LHX8: variants seen among roughly 807,000 people sequenced by gnomAD.
LHX8 encodes LIM homeobox 8.
In LHX8, 12 loss-of-function variants were observed where a neutral mutation model predicts 40.3. The ratio of observed to expected loss-of-function variants is 0.30; its 90% CI spans 0.19 to 0.48. LHX8 has a LOEUF of 0.48. LHX8 is among the 20% of genes least tolerant of loss of function. LHX8 has a pLI of 0.99. For missense variants in LHX8, 344 were observed against 433.7 expected (o/e 0.79, Z 1.84); for synonymous variants, 179 against 162.0 (o/e 1.10, Z -0.80).
chr1:75,153,460 T>C (rs1035596351), intron 7 of LHX8, among the ~76,000 whole-genome samples: 13 of 152,016 alleles, frequency 8.6e-5, no homozygotes, highest in African/African-American at 2.9e-4. Flanking sequence ...TTGCCCAGGC[T>C]AGAGTGCAAT....
the LHX8 span, among the ~76,000 whole-genome samples, chr1:75,178,760 A>C: frequency 2.5e-3 from 382 of 151,976 alleles, 1 homozygote; most frequent in Middle Eastern, 0.017. Flanking sequence ...TTTAATTGTG[A>C]TGTTAGGGTG....
At chr1:75,158,601 G>A (rs1218688361) in intron 8 of LHX8, among the ~76,000 whole-genome samples, 2 of 152,070 alleles carry the variant, frequency 1.3e-5, no homozygotes, top group African/African-American at 4.8e-5. Flanking sequence ...TTTTTGTTAT[G>A]TTGATGAAAA....
chr1:75,175,709 C>T, the LHX8 span, among the ~76,000 whole-genome samples: 2 of 151,920 alleles, frequency 1.3e-5, no homozygotes, highest in African/African-American at 4.8e-5. Context: ...CTAGGGTATA[C>T]ATGTACACAA....
At chr1:75,185,673 T>C in the LHX8 span, among the ~76,000 whole-genome samples, 1 of 152,084 alleles carries the variant, frequency 6.6e-6, no homozygotes, top group Admixed American at 6.6e-5. Context: ...CTATTCAACA[T>C]AGTATTGGAA....
chr1:75,136,788 G>A (rs968404017), intron 2 of LHX8, 99 bp downstream of exon 2: 78 of 638,156 alleles, frequency 1.2e-4, no homozygotes, highest in Non-Finnish European at 1.9e-4. Flanking sequence ...GGCCCAGCTG[G>A]CCCCTCCTGC....
chr1:75,177,651 T>G, the LHX8 span, among the ~76,000 whole-genome samples: 2 of 152,206 alleles, frequency 1.3e-5, no homozygotes, highest in African/African-American at 4.8e-5. Flanking sequence ...CTTTTCCTAA[T>G]TGAATGCCCT....
chr1:75,131,040 G>A (rs1647946784), upstream of LHX8: 1 of 453,758 alleles, frequency 2.2e-6, no homozygotes, highest in African/African-American at 2.0e-5. Context: ...GGAGGTGGGC[G>A]GTGAGGGCCG....
the LHX8 span, among the ~76,000 whole-genome samples, chr1:75,176,761 G>A: frequency 1.3e-5 from 2 of 152,224 alleles, no homozygotes; most frequent in East Asian, 1.9e-4. Flanking sequence ...CCTATGTCCC[G>A]AATGGTATTG....
chr1:75,156,763 C>T, intron 7 of LHX8, 130 bp from the exon 8 acceptor site: 1 of 854,728 alleles, frequency 1.2e-6, no homozygotes, highest in South Asian at 1.4e-5. Flanking sequence ...TTTATAAAAG[C>T]TGAGTTACAT....
At chr1:75,172,882 C>T in the LHX8 span, among the ~76,000 whole-genome samples, 1 of 152,144 alleles carries the variant, frequency 6.6e-6, no homozygotes, top group Admixed American at 6.6e-5. Flanking sequence ...GATTTGCTTG[C>T]CAGTGGAGTC....
intron 8 of LHX8, among the ~76,000 whole-genome samples, chr1:75,158,880 A>C (rs1016604856): frequency 6.6e-6 from 1 of 152,154 alleles, no homozygotes; most frequent in African/African-American, 2.4e-5. Context: ...CAAAAGGGAA[A>C]ACAATTAAGA....
downstream of LHX8, among the ~76,000 whole-genome samples, chr1:75,162,874 ATACT>A (rs1275500397): frequency 2.6e-5 from 4 of 152,308 alleles, no homozygotes; most frequent in African/African-American, 4.8e-5. Context: ...TGTGAGCACA[ATACT>A]TACTTGAAAT....
chr1:75,140,975 C>T lies in LHX8; in HGVS notation c.238-10C>T, dbSNP rs368246862. The T allele has an allele frequency of 6.6e-5, 106 of 1,613,332 alleles. No individual in the cohort carries two copies. In the African/African-American group the frequency reaches 1.2e-3, roughly 18 times the overall value. On this transcript the variant is annotated splice_polypyrimidine_tract_variant and intron_variant, in intron 3 of 8. Coordinates refer to ENST00000356261, the MANE Select transcript of LHX8 (RefSeq NM_001256114.2). ...ATATGATATTACAATGGCTTCTCTT[C>T]CCTTCACAGGTGAATGACCTATGCT...
chr1:75,164,794 C>A (rs188977139), downstream of LHX8, among the ~76,000 whole-genome samples: 1 of 150,752 alleles, frequency 6.6e-6, no homozygotes, highest in Non-Finnish European at 1.5e-5. Flanking sequence ...GTGATCTTCC[C>A]AAGTAGCCAG....
chr1:75,136,474 C>A, intron 1 of LHX8, 129 bp from the exon 2 acceptor site: 3 of 633,294 alleles, frequency 4.7e-6, no homozygotes, highest in Non-Finnish European at 5.3e-6. Context: ...GGCGCCGTGA[C>A]GGCTGCACGC....
At chr1:75,135,955 C>G (rs952023670) in intron 1 of LHX8, among the ~76,000 whole-genome samples, 7 of 152,198 alleles carry the variant, frequency 4.6e-5, no homozygotes, top group African/African-American at 1.7e-4. Context: ...TACGAAAGAG[C>G]TGCTGGCTCG....
chr1:75,185,808 C>T, the LHX8 span, among the ~76,000 whole-genome samples: 7 of 152,218 alleles, frequency 4.6e-5, no homozygotes, highest in African/African-American at 1.7e-4. Context: ...AGAGTCTCAA[C>T]CCAAAAGCTC....
the LHX8 span, among the ~76,000 whole-genome samples, chr1:75,178,799 TG>T: frequency 2.4e-3 from 372 of 152,342 alleles, 1 homozygote; most frequent in African/African-American, 8.2e-3. Context: ...TGCTTTCTCT[TG>T]TGGGCATTTA....
At chr1:75,187,345 G>A in the LHX8 span, among the ~76,000 whole-genome samples, 7,717 of 152,146 alleles carry the variant, frequency 0.051, 212 homozygotes, top group Middle Eastern at 0.095. Flanking sequence ...TTGGTTATAG[G>A]GTGTTAACAT....
Sources: gnomAD v4.1 joint callset for allele counts (sites outside exome capture counted in the v4.1 genomes callset) on GRCh38, gnomAD v4.1.1 for gene constraint, MANE v1.5 for transcripts, NCBI Gene and HGNC (gene_info 2026-07-23, HGNC 2026-07-21) for gene names.